NDRG3: variants seen among roughly 807,000 people sequenced by gnomAD.
NDRG3 encodes NDRG family member 3, also known as protein NDRG3.
A neutral mutation model predicts 57.2 loss-of-function variants in NDRG3; 23 were observed. That is an observed-to-expected ratio of 0.40 (90% confidence interval 0.29 to 0.57). The LOEUF is 0.57. NDRG3 is among the 20% of genes least tolerant of loss of function. NDRG3 has a pLI of 0.42. For missense variants in NDRG3, 384 were observed against 457.3 expected (o/e 0.84, Z 1.46); for synonymous variants, 132 against 162.6 (o/e 0.81, Z 1.43).
At chr20:36,716,599 T>C (rs909874453) in intron 2 of NDRG3, among the ~76,000 whole-genome samples, 2 of 144,190 alleles carry the variant, frequency 1.4e-5, no homozygotes, top group Middle Eastern at 3.5e-3. Flanking sequence ...ATATAACTTT[T>C]TTCTGTTCTC....
chr20:36,690,326 C>T (rs113476280), intron 3 of NDRG3, among the ~76,000 whole-genome samples: 1 of 151,174 alleles, frequency 6.6e-6, no homozygotes, highest in Admixed American at 6.6e-5. Flanking sequence ...ATAGAGCAGA[C>T]AAAAGATGCA....
chr20:36,739,456 G>T (rs193083758), intron 1 of NDRG3, among the ~76,000 whole-genome samples: 1 of 113,996 alleles, frequency 8.8e-6, no homozygotes, highest in African/African-American at 3.3e-5. Flanking sequence ...CAAAAAAAAA[G>T]AAAAAAAAAA....
chr20:36,700,618 GC>G (rs1983161846), intron 3 of NDRG3: 1 of 389,444 alleles, frequency 2.6e-6, no homozygotes. Flanking sequence ...TGTTTTACAG[GC>G]TCTCTATCCA....
chr20:36,715,895 G>A (rs1984244999), intron 2 of NDRG3, among the ~76,000 whole-genome samples: 1 of 151,918 alleles, frequency 6.6e-6, no homozygotes, highest in Admixed American at 6.6e-5. Context: ...TTGGGAGGCC[G>A]AGATGGGTGG....
At chr20:36,723,618 G>C (rs1239774002) in intron 1 of NDRG3, among the ~76,000 whole-genome samples, 1 of 151,144 alleles carries the variant, frequency 6.6e-6, no homozygotes, top group Non-Finnish European at 1.5e-5. Flanking sequence ...AATTATGTCT[G>C]ATTGGTGGAA....
chr20:36,665,162 T>C (rs1418497445), intron 11 of NDRG3, 65 bp from the exon 12 acceptor site: 2 of 1,608,584 alleles, frequency 1.2e-6, no homozygotes, highest in Non-Finnish European at 1.7e-6. Flanking sequence ...GAACACCAAA[T>C]TAGTCTATGA....
rs1247524095 is a variant in NDRG3, at chr20:36,680,863, T to C, written c.484A>G (p.Asn162Asp). The change falls in exon 8 of 16, where the codon AAT becomes GAT. Residue 162 changes from asparagine to aspartate, a missense_variant. Physicochemically the swap from Asn to Asp is conservative, Grantham distance 23 (BLOSUM62 1). Transcript: ENST00000349004. ...CAGCCTTTAGCGCAAGGGTCAACAT[T>C]AATGAGCACAAGGCCTTCCACAAGC... Reference protein sequence around the residue: ...PELVEGLVLINVDPCAKGWID... With the variant: ...PELVEGLVLIDVDPCAKGWID... The C allele has an allele frequency of 1.9e-6, 3 of 1,614,092 alleles. No homozygotes were observed. Among genetic ancestry groups the C allele is most frequent in the Admixed American group, 1.7e-5 (1 of 60,014 alleles).
intron 3 of NDRG3, among the ~76,000 whole-genome samples, chr20:36,703,247 A>G (rs1440434857): frequency 6.6e-6 from 1 of 152,214 alleles, no homozygotes; most frequent in East Asian, 1.9e-4. Flanking sequence ...GTATATATGT[A>G]TATCATATAC....
chr20:36,712,313 A>G (rs985875973), intron 2 of NDRG3, among the ~76,000 whole-genome samples: 3 of 150,682 alleles, frequency 2.0e-5, no homozygotes, highest in African/African-American at 7.3e-5. Flanking sequence ...TTAAAAGTTC[A>G]GTACTGCTCA....
Position 36,733,171 on chromosome 20 carries a change from AATATATATATATATATAT to A in NDRG3, c.-48-11406_-48-11389del, listed in dbSNP as rs1555807708. 1.9e-3 allele frequency among the ~76,000 whole-genome samples: 64 copies of A among 33,228 alleles called. 6 individuals are homozygous for A. In the East Asian group the frequency reaches 0.025, roughly 13 times the overall value. 21.8% of individuals were successfully genotyped at this position (33,228 alleles called of 152,430 possible). ...CAAAAAAAAAAAAAAAAAAAAAAAAAATATATATATATATATATATATATATATATATGCACATATAAA... is the reference window on the plus strand; with the variant it reads ...CAAAAAAAAAAAAAAAAAAAAAAAAAATATATATATATATGCACATATAAA... On this transcript the variant is annotated intron_variant, in intron 1 of 15. Coordinates refer to ENST00000349004, the MANE Select transcript of NDRG3 (RefSeq NM_032013.4).
At chr20:36,662,188 T>C (rs1209397409) in intron 12 of NDRG3, among the ~76,000 whole-genome samples, 1 of 152,096 alleles carries the variant, frequency 6.6e-6, no homozygotes, top group African/African-American at 2.4e-5. Flanking sequence ...TAAGAAGTCT[T>C]GATACCTAGT....
intron 1 of NDRG3, among the ~76,000 whole-genome samples, chr20:36,726,904 ATCTT>A (rs779950537): frequency 4.8e-4 from 71 of 148,124 alleles, no homozygotes; most frequent in Middle Eastern, 3.5e-3. Context: ...TCTGGTAGAT[ATCTT>A]TCTTTCTTTT....
intron 3 of NDRG3, among the ~76,000 whole-genome samples, chr20:36,703,365 AC>A (rs1322186157): frequency 1.3e-5 from 2 of 152,002 alleles, no homozygotes; most frequent in Non-Finnish European, 2.9e-5. Flanking sequence ...ATATATATAT[AC>A]ATATATACTC....
intron 6 of NDRG3, 97 bp downstream of exon 6, chr20:36,684,316 T>C (rs1343153373): frequency 1.0e-6 from 1 of 976,060 alleles, no homozygotes; most frequent in African/African-American, 1.6e-5. Context: ...ACAGTGATAA[T>C]ATTTTTCCTA....
At position 36,746,070 on chromosome 20, in the gene NDRG3, TGCAGCAGCAGCG is replaced by T; in HGVS notation, c.-86_-75del. ...CTGAGGCGCGGGCACCCGCCGTCAG[TGCAGCAGCAGCG>T]GCGGCGGCGGCGGCGGCGGCGGCGG... is the stretch of plus-strand genomic sequence containing the variant. On this transcript the variant is annotated 5_prime_UTR_variant, in exon 1 of 16. Transcript: ENST00000349004. The T allele has an allele frequency of 3.1e-6, 1 of 319,716 alleles. No individual in the cohort carries two copies. The highest frequency in any genetic ancestry group is 5.4e-6 in the Non-Finnish European group (1 of 186,026). The allele number at this position is 319,716 out of a possible 1,614,324, so 19.8% of individuals were successfully genotyped here.
At chr20:36,692,107 T>G (rs1438123460) in intron 3 of NDRG3, among the ~76,000 whole-genome samples, 1 of 152,222 alleles carries the variant, frequency 6.6e-6, no homozygotes, top group African/African-American at 2.4e-5. Flanking sequence ...GAAATTAAAT[T>G]CAATAAAATA....
At chr20:36,702,679 A>G (rs1600926191) in intron 3 of NDRG3, among the ~76,000 whole-genome samples, 3 of 149,076 alleles carry the variant, frequency 2.0e-5, no homozygotes, top group African/African-American at 7.4e-5. Flanking sequence ...ACCTGCCACC[A>G]TGCCCAGCTA....
At chr20:36,682,472 C>T in intron 7 of NDRG3, 46 bp downstream of exon 7, 2 of 1,510,310 alleles carry the variant, frequency 1.3e-6, no homozygotes, top group African/African-American at 1.4e-5. Flanking sequence ...AGCTGTGACC[C>T]AGGCACTGCC....
At chr20:36,707,521 T>A (rs1032945093) in intron 2 of NDRG3, among the ~76,000 whole-genome samples, 1 of 152,070 alleles carries the variant, frequency 6.6e-6, no homozygotes, top group Non-Finnish European at 1.5e-5. Flanking sequence ...AGAAAGGCAG[T>A]GTTACTGAAG....
Sources: gnomAD v4.1 joint callset for allele counts (sites outside exome capture counted in the v4.1 genomes callset) on GRCh38, gnomAD v4.1.1 for gene constraint, MANE v1.5 for transcripts, NCBI Gene and HGNC (gene_info 2026-07-23, HGNC 2026-07-21) for gene names.